Variants in TOP2B observed in about 807,000 individuals in gnomAD.
The protein encoded by TOP2B is DNA topoisomerase 2-beta.
Under a neutral mutation model 193.5 loss-of-function variants are expected in TOP2B, and 51 were observed. The ratio of observed to expected loss-of-function variants is 0.26; its 90% CI spans 0.21 to 0.33. The LOEUF is 0.33. Among genes scored for constraint, TOP2B ranks in the 10% least tolerant of loss-of-function variants. TOP2B has a pLI of 1.00. For synonymous variants in TOP2B, 634 were observed against 635.7 expected (o/e 1.00, Z 0.04); for missense variants, 1,378 against 1,909.3 (o/e 0.72, Z 5.19).
At position 25,598,359 on chromosome 3, in the gene TOP2B, A is replaced by AAAT. The variant is rs1190523831; in HGVS notation, c.4826_4828dup (p.Tyr1609dup). On this transcript the variant is annotated inframe_insertion, in exon 36 of 36. Transcript: ENST00000264331. ...ATCTTCTTCTTCATCAGACTCTGCAAAATATTTTACTTCTTTCCTAGCCCG... is the reference window on the plus strand; with the variant it reads ...ATCTTCTTCTTCATCAGACTCTGCAAAATAATATTTTACTTCTTTCCTAGCCCG... 7.4e-6 allele frequency: 12 copies of AAAT among 1,613,344 alleles called. No homozygotes were observed. Among genetic ancestry groups the AAAT allele is most frequent in the African/African-American group, 1.3e-5 (1 of 75,022 alleles).
At chr3:25,622,885 A>C (rs1467374378) in intron 21 of TOP2B, among the ~76,000 whole-genome samples, 3 of 152,090 alleles carry the variant, frequency 2.0e-5, no homozygotes, top group Non-Finnish European at 4.4e-5. Flanking sequence ...CAGGTGATCC[A>C]CCCACCTCGG....
intron 33 of TOP2B, among the ~76,000 whole-genome samples, chr3:25,603,060 T>C (rs1304724992): frequency 6.6e-6 from 1 of 152,092 alleles, no homozygotes; most frequent in South Asian, 2.1e-4. Flanking sequence ...AGGAAGCAAG[T>C]AGGATAGGTA....
chr3:25,615,236 T>A lies in TOP2B; in HGVS notation c.3560A>T (p.Glu1187Val), dbSNP rs376036396. The change falls in exon 27 of 36, where the codon GAG (glutamate) becomes GTG (valine). Residue 1187 changes from glutamate (E) to valine (V), a missense_variant. By Grantham distance (121) the Glu-to-Val change is moderately radical. Around this residue, in one of 9 missense-constraint regions of TOP2B, gnomAD observed 556 missense variants for 584.2 expected, o/e 0.95. Transcript: ENST00000264331. ...TTCTTCAACAAATGCCGCTAAATCC[T>A]CTTTCCAAAGATCTGAAGGAGATTT... ...KRKSPSDLWK[E>V]DLAAFVEELD... The A allele has an allele frequency of 8.7e-6, 14 of 1,612,498 alleles. No homozygotes were observed. In the African/African-American group the frequency reaches 1.9e-4, roughly 22 times the overall value.
chr3:25,649,253 A>G (rs553043837), intron 1 of TOP2B, among the ~76,000 whole-genome samples: 1 of 152,304 alleles, frequency 6.6e-6, no homozygotes, highest in African/African-American at 2.4e-5. Context: ...CTTATGGGCC[A>G]CTATCTATCA....
intron 23 of TOP2B, 121 bp downstream of exon 23, chr3:25,619,738 GAAA>G (rs375797612): frequency 6.1e-3 from 3,154 of 514,218 alleles, no homozygotes; most frequent in African/African-American, 7.2e-3. Flanking sequence ...TGCAGGATGG[GAAA>G]AAAAAAAAAA....
At chr3:25,600,471 AG>A (rs1231741011) in intron 34 of TOP2B, among the ~76,000 whole-genome samples, 1 of 152,190 alleles carries the variant, frequency 6.6e-6, no homozygotes, top group African/African-American at 2.4e-5. Context: ...ATTTCCCTGT[AG>A]GTCTACAGCT....
intron 29 of TOP2B, 101 bp from the exon 30 acceptor site, chr3:25,609,445 G>T (rs897057778): frequency 1.3e-4 from 187 of 1,457,388 alleles, no homozygotes; most frequent in Middle Eastern, 1.8e-4. Flanking sequence ...CAAAATAAAC[G>T]TTTATGAAAA....
chr3:25,652,088 T>C (rs147576136), intron 1 of TOP2B, among the ~76,000 whole-genome samples: 83 of 152,236 alleles, frequency 5.5e-4, no homozygotes, highest in Middle Eastern at 6.8e-3. Flanking sequence ...ATAAAAACTG[T>C]CACAAGAGAC....
intron 29 of TOP2B, 42 bp downstream of exon 29, chr3:25,609,525 AT>A (rs71624609): frequency 6.3e-7 from 1 of 1,582,154 alleles, no homozygotes; most frequent in Non-Finnish European, 8.6e-7. Flanking sequence ...CTATACAAAT[AT>A]TTTTTCTCTC....
At position 25,664,837 on chromosome 3, in the gene TOP2B, G is replaced by T; in HGVS notation, c.-540C>A. The T allele has an allele frequency of 1.0e-6, 1 of 991,352 alleles. No individual in the cohort carries two copies. The highest frequency in any genetic ancestry group is 1.2e-6 in the Non-Finnish European group (1 of 833,184). 61.4% of individuals were successfully genotyped at this position (991,352 alleles called of 1,614,324 possible). ...TTCCTCACACACACACACCGAGAGG[G>T]ACAATAAACAGAGCCGCCGCCGCCG... is the stretch of plus-strand genomic sequence containing the variant. On this transcript the variant is annotated 5_prime_UTR_variant, in exon 1 of 36. Transcript: ENST00000264331.
chr3:25,620,950 A>G (rs1559497453), intron 21 of TOP2B, 134 bp from the exon 22 acceptor site: 14 of 923,598 alleles, frequency 1.5e-5, no homozygotes, highest in Non-Finnish European at 2.1e-5. Flanking sequence ...CAACTGATCA[A>G]TTAAGCTTGA....
At chr3:25,644,855 C>T (rs1413054495) in intron 2 of TOP2B, among the ~76,000 whole-genome samples, 4 of 151,840 alleles carry the variant, frequency 2.6e-5, no homozygotes, top group South Asian at 4.2e-4. Context: ...AGTGCAGTGG[C>T]GTGATCTCGG....
At chr3:25,649,865 C>A (rs1703531218) in intron 1 of TOP2B, among the ~76,000 whole-genome samples, 1 of 151,970 alleles carries the variant, frequency 6.6e-6, no homozygotes, top group South Asian at 2.1e-4. Context: ...AAAATGGAAT[C>A]AAAAGATAAA....
At position 25,615,554 on chromosome 3, in the gene TOP2B, A is replaced by G; in HGVS notation, c.3384T>C (p.His1128=). 4 of 1,570,740 alleles carry G rather than the reference A, an allele frequency of 2.5e-6. No individual in the cohort carries two copies. The highest frequency in any genetic ancestry group is 3.5e-6 in the Non-Finnish European group (4 of 1,158,564). ...TTCCTGAATCGGAGGAACTATCATC[A>G]TGCTGGTTTTGTGTTTCATCCTCTT... ...AAEEDETQNQ[H]DDSSSDSGTP... The change falls in exon 26 of 36, where the codon CAT becomes CAC. Residue 1128 remains histidine (H), a synonymous_variant. Transcript: ENST00000264331.
intron 3 of TOP2B, among the ~76,000 whole-genome samples, chr3:25,642,851 G>A (rs1007268604): frequency 6.6e-6 from 1 of 152,054 alleles, no homozygotes; most frequent in South Asian, 2.1e-4. Flanking sequence ...AACACCCTTA[G>A]AAATCAAAAT....
chr3:25,633,110 C>T (rs1310838924), intron 8 of TOP2B, among the ~76,000 whole-genome samples: 1 of 152,080 alleles, frequency 6.6e-6, no homozygotes, highest in Non-Finnish European at 1.5e-5. Context: ...TTGATACTAA[C>T]TACCTGGAGT....
intron 5 of TOP2B, 131 bp from the exon 6 acceptor site, chr3:25,637,443 TC>T: frequency 1.6e-6 from 1 of 617,556 alleles, no homozygotes; most frequent in Non-Finnish European, 2.8e-6. Context: ...AATTGAAGAT[TC>T]CAGAGTATAT....
At chr3:25,643,496 AATGAAACAAAG>A (rs1254028251) in intron 3 of TOP2B, among the ~76,000 whole-genome samples, 187 bp downstream of exon 3, 2 of 152,220 alleles carry the variant, frequency 1.3e-5, no homozygotes, top group Admixed American at 1.3e-4. Context: ...AGATGAAGAA[AATGAAACAAAG>A]ATGAAACAGA....
intron 3 of TOP2B, among the ~76,000 whole-genome samples, chr3:25,643,185 C>T (rs1164842226): frequency 1.3e-5 from 2 of 152,106 alleles, no homozygotes; most frequent in Admixed American, 6.5e-5. Flanking sequence ...TTCCAAAGTA[C>T]AAGCATTCCC....
Sources: gnomAD v4.1 joint callset for allele counts (sites outside exome capture counted in the v4.1 genomes callset) on GRCh38, gnomAD v4.1.1 for gene constraint, gnomAD v4.1.1 regional missense constraint, MANE v1.5 for transcripts, NCBI Gene and HGNC (gene_info 2026-07-23, HGNC 2026-07-21) for gene names.